The following NRP1 variants were observed in gnomAD, a reference collection of about 807,000 sequenced individuals.
NRP1 encodes neuropilin 1.
NRP1 carries 35 observed loss-of-function variants against 106.7 expected under a neutral mutation model. The ratio of observed to expected loss-of-function variants is 0.33; its 90% CI spans 0.25 to 0.43. The LOEUF (loss-of-function observed/expected upper bound fraction) is 0.43, where lower values mean the gene tolerates loss of function less well. Among genes scored for constraint, NRP1 ranks in the 20% least tolerant of loss-of-function variants. NRP1 has a pLI of 1.00. For synonymous variants in NRP1, 437 were observed against 417.9 expected, an observed-to-expected ratio of 1.05 and a Z score of -0.56; for missense variants, 1,024 against 1,170.4, an observed-to-expected ratio of 0.87 and a Z score of 1.83.
At chr10:33,288,073 C>T (rs1263724102) in intron 2 of NRP1, among the ~76,000 whole-genome samples, 4 of 152,092 alleles carry the variant, frequency 2.6e-5, no homozygotes, top group African/African-American at 9.7e-5. Flanking sequence ...ACTTTGATGA[C>T]AGTCCTAAAA....
intron 6 of NRP1, chr10:33,249,389 C>A (rs767067770): frequency 6.2e-6 from 3 of 487,244 alleles, no homozygotes; most frequent in Non-Finnish European, 1.2e-5. Context: ...ATTCATAGAT[C>A]ACAGATTGAG....
At chr10:33,287,397 C>T (rs747767010) in intron 2 of NRP1, among the ~76,000 whole-genome samples, 4 of 152,168 alleles carry the variant, frequency 2.6e-5, no homozygotes, top group Non-Finnish European at 4.4e-5. Context: ...TCTCATGATG[C>T]TCTGCAATTA....
intron 16 of NRP1, among the ~76,000 whole-genome samples, 174 bp from the exon 17 acceptor site, chr10:33,180,539 T>G (rs1293676536): frequency 1.3e-5 from 2 of 152,130 alleles, no homozygotes; most frequent in African/African-American, 2.4e-5. Flanking sequence ...GAGTGGGCGC[T>G]GGGGCTTCTG....
In NRP1 at chr10:33,202,964, C is replaced by T; in HGVS notation, c.1791G>A (p.Gly597=). 5 of 1,614,100 alleles carry T rather than the reference C, an allele frequency of 3.1e-6. No homozygotes were observed. The highest frequency in any genetic ancestry group is 4.2e-6 in the Non-Finnish European group (5 of 1,180,002). ...APTAGPTTPN[G]NLVDECDDDQ... ...CGTCATCACATTCATCCACCAAGTT[C>T]CCGTTGGGAGTGGTCGGTCCAGCTG... Residue 597 remains glycine, a synonymous_variant, in exon 11 of 17, where the codon GGG becomes GGA. Transcript: ENST00000374867.
At chr10:33,306,110 A>G (rs1180440200) in intron 2 of NRP1, among the ~76,000 whole-genome samples, 2 of 152,156 alleles carry the variant, frequency 1.3e-5, no homozygotes, top group African/African-American at 2.4e-5. Flanking sequence ...GCTGTCATAC[A>G]TGTAGGGAAG....
chr10:33,202,989 G>A lies in NRP1; in HGVS notation c.1766C>T (p.Thr589Ile). 3.7e-6 allele frequency: 6 copies of A among 1,612,104 alleles called. No homozygotes were observed. Among genetic ancestry groups the A allele is most frequent in the Non-Finnish European group, 5.1e-6 (6 of 1,178,898 alleles). The change falls in exon 11 of 17, where the codon ACA becomes ATA. Residue 589 changes from threonine (T) to isoleucine (I), a missense_variant. This residue lies in a region of NRP1 where 562 missense variants were observed against 620.3 expected (regional missense o/e 0.91). Transcript: ENST00000374867. ...ELLGCEVEAP[T>I]AGPTTPNGNL... ...CCCGTTGGGAGTGGTCGGTCCAGCT[G>A]TAGGGGCTGAAACAAGATCCAAGGA...
chr10:33,274,994 G>A (rs760118577), intron 2 of NRP1, among the ~76,000 whole-genome samples: 6 of 152,076 alleles, frequency 3.9e-5, no homozygotes, highest in Non-Finnish European at 7.4e-5. Flanking sequence ...ATTAACTTAC[G>A]TATCCCACAA....
At chr10:33,236,367 GT>G (rs1031726184) in intron 6 of NRP1, among the ~76,000 whole-genome samples, 3 of 152,242 alleles carry the variant, frequency 2.0e-5, no homozygotes, top group African/African-American at 7.2e-5. Context: ...TGCTAGATGG[GT>G]TTACTTAATA....
rs1220678658 is a variant in NRP1, at chr10:33,256,398, G to A, written c.732C>T (p.Ser244=). Residue 244 remains serine, a synonymous_variant, in exon 5 of 17, where the codon TCC becomes TCT. Coordinates refer to ENST00000374867, the MANE Select transcript of NRP1 (RefSeq NM_003873.7). ...TCGCGCTGTCGGTGTAAAAAACCATGGAGAGAATGCCCGATGAGGATCGGA... is the reference window on the plus strand; with the variant it reads ...TCGCGCTGTCGGTGTAAAAAACCATAGAGAGAATGCCCGATGAGGATCGGA... ...GRIRSSSGIL[S]MVFYTDSAIA... 1 of 1,614,164 alleles carries A rather than the reference G, an allele frequency of 6.2e-7. No individual in the cohort carries two copies. Among genetic ancestry groups the A allele is most frequent in the Admixed American group, 1.7e-5 (1 of 60,028 alleles).
At chr10:33,280,526 CA>C (rs1844042170) in intron 2 of NRP1, among the ~76,000 whole-genome samples, 1 of 151,306 alleles carries the variant, frequency 6.6e-6, no homozygotes, top group Non-Finnish European at 1.5e-5. Flanking sequence ...CACTGTTCTT[CA>C]GGGAAAAAAA....
In NRP1 at chr10:33,330,759, C is replaced by G. The variant is rs1385818807; in HGVS notation, c.197G>C (p.Arg66Thr). The G allele has an allele frequency of 6.2e-7, 1 of 1,613,766 alleles. No individual in the cohort carries two copies. The highest frequency in any genetic ancestry group is 8.5e-7 in the Non-Finnish European group (1 of 1,179,818). ...GTGAGGGTTGAAGTTGATCATAATTCTCTGGTATGGGTCCGGAGCCTGAAT... is the reference window on the plus strand; with the variant it reads ...GTGAGGGTTGAAGTTGATCATAATTGTCTGGTATGGGTCCGGAGCCTGAAT... ...WLIQAPDPYQ[R>T]IMINFNPHFD... Residue 66 changes from arginine (R) to threonine (T), a missense_variant, in exon 2 of 17, where the codon AGA becomes ACA. Coordinates refer to ENST00000374867, the MANE Select transcript of NRP1 (RefSeq NM_003873.7).
At chr10:33,194,926 G>A (rs1044598615) in intron 12 of NRP1, 4 of 361,420 alleles carry the variant, frequency 1.1e-5, no homozygotes, top group Non-Finnish European at 2.2e-5. Flanking sequence ...GACTACTGAC[G>A]TTTACGTTTT....
intron 2 of NRP1, among the ~76,000 whole-genome samples, chr10:33,278,325 C>T (rs1387230343): frequency 6.6e-6 from 1 of 152,094 alleles, no homozygotes; most frequent in Non-Finnish European, 1.5e-5. Flanking sequence ...GTCTGCATAG[C>T]TCCAAAATAA....
chr10:33,198,287 G>A (rs922367037), intron 11 of NRP1, among the ~76,000 whole-genome samples: 18 of 151,700 alleles, frequency 1.2e-4, no homozygotes, highest in African/African-American at 2.9e-4. Context: ...GATTACAGGC[G>A]TGCACTACCA....
At chr10:33,266,067 G>T (rs1344574214) in intron 3 of NRP1, among the ~76,000 whole-genome samples, 1 of 151,972 alleles carries the variant, frequency 6.6e-6, no homozygotes, top group Admixed American at 6.5e-5. Context: ...TGTAAGCCAT[G>T]GTTTATTAGT....
intron 8 of NRP1, among the ~76,000 whole-genome samples, chr10:33,216,183 G>A (rs1442945775): frequency 6.7e-6 from 1 of 149,490 alleles, no homozygotes; most frequent in African/African-American, 2.5e-5. Context: ...TGTCTCCCAG[G>A]CTGGAGTGCA....
At chr10:33,321,736 C>G (rs114853413) in intron 2 of NRP1, among the ~76,000 whole-genome samples, 6 of 152,130 alleles carry the variant, frequency 3.9e-5, no homozygotes, top group African/African-American at 1.4e-4. Context: ...GACTTGGAAT[C>G]GTGACTATAT....
intron 4 of NRP1, among the ~76,000 whole-genome samples, chr10:33,261,985 C>T (rs937335611): frequency 2.0e-5 from 3 of 152,230 alleles, no homozygotes; most frequent in African/African-American, 7.2e-5. Flanking sequence ...ATCCACCTGC[C>T]TTGGCCTCCC....
intron 9 of NRP1, among the ~76,000 whole-genome samples, chr10:33,210,464 C>A (rs1838211767): frequency 6.6e-6 from 1 of 152,116 alleles, no homozygotes; most frequent in African/African-American, 2.4e-5. Flanking sequence ...AGAATTAACA[C>A]AATGTAAATA....
Sources: gnomAD v4.1 joint callset for allele counts (sites outside exome capture counted in the v4.1 genomes callset) on GRCh38, gnomAD v4.1.1 for gene constraint, gnomAD v4.1.1 regional missense constraint, MANE v1.5 for transcripts, NCBI Gene and HGNC (gene_info 2026-07-23, HGNC 2026-07-21) for gene names.